PARP14: variants seen among roughly 807,000 people sequenced by gnomAD.
PARP14 encodes the protein poly(ADP-ribose) polymerase family member 14.
PARP14 carries 59 observed loss-of-function variants against 154.2 expected under a neutral mutation model. That is an observed-to-expected ratio of 0.38 (90% CI 0.31 to 0.48). The LOEUF (loss-of-function observed/expected upper bound fraction) is 0.48, where lower values mean the gene tolerates loss of function less well. Among genes scored for constraint, PARP14 ranks in the 20% least tolerant of loss-of-function variants. PARP14 has a pLI of 0.98. For missense variants in PARP14, 1,734 were observed against 2,131.6 expected, an observed-to-expected ratio of 0.81 and a Z score of 3.67; for synonymous variants, 720 against 780.5, an observed-to-expected ratio of 0.92 and a Z score of 1.29.
intron 3 of PARP14, among the ~76,000 whole-genome samples, chr3:122,687,370 G>A (rs374637136): frequency 1.6e-3 from 240 of 152,362 alleles, no homozygotes; most frequent in African/African-American, 5.5e-3. Flanking sequence ...GGAGGGCAAA[G>A]AAGTGCCAGA....
chr3:122,686,809 T>G (rs756621718), intron 2 of PARP14: 1 of 365,298 alleles, frequency 2.7e-6, no homozygotes, highest in Non-Finnish European at 4.9e-6. Context: ...GCTAAGATGT[T>G]TCTCTGATGT....
Position 122,718,344 on chromosome 3 carries a change from T to C in PARP14, c.4208-15T>C. On this transcript the variant is annotated splice_polypyrimidine_tract_variant and intron_variant, in intron 13 of 16. Transcript: ENST00000474629. ...ATGTCACATGTGAAATACCTAATCT[T>C]CCTTTTCTTTTTAGCATTTTTGGGC... The C allele has an allele frequency of 6.2e-7, 1 of 1,610,906 alleles. No homozygotes were observed. The highest frequency in any genetic ancestry group is 8.5e-7 in the Non-Finnish European group (1 of 1,178,686).
chr3:122,725,600 T>C (rs553138103), intron 15 of PARP14, among the ~76,000 whole-genome samples: 1 of 152,334 alleles, frequency 6.6e-6, no homozygotes, highest in East Asian at 1.9e-4. Flanking sequence ...CTATGCTAGC[T>C]TTCTTTTGGT....
At position 122,728,496 on chromosome 3, in the gene PARP14, C is replaced by T; in HGVS notation, c.5305C>T (p.Leu1769=). Reference sequence around the variant, plus strand: ...AAAGAACCCTCAAAATCCTACTGACCTGTATGACACTGTCACAGATAATGT... The same window carrying T: ...AAAGAACCCTCAAAATCCTACTGACTTGTATGACACTGTCACAGATAATGT... ...PSKNPQNPTD[L]YDTVTDNVHH... is the part of the protein sequence containing the mutation. Residue 1769 remains leucine, a synonymous_variant, in exon 17 of 17, where the codon CTG becomes TTG. Transcript: ENST00000474629. 1 of 1,613,468 alleles carries T rather than the reference C, an allele frequency of 6.2e-7. No homozygotes were observed. The highest frequency in any genetic ancestry group is 8.5e-7 in the Non-Finnish European group (1 of 1,179,452).
At chr3:122,728,257 T>A in intron 16 of PARP14, 51 bp from the exon 17 acceptor site, 1 of 1,501,308 alleles carries the variant, frequency 6.7e-7, no homozygotes, top group East Asian at 2.3e-5. Flanking sequence ...GGCCAACATA[T>A]CAAATTTTAC....
intron 6 of PARP14, among the ~76,000 whole-genome samples, chr3:122,703,017 A>AAAAAAAC (rs1270786886): frequency 4.0e-5 from 4 of 99,608 alleles, no homozygotes; most frequent in African/African-American, 6.8e-5. Context: ...AAAACAAAAA[A>AAAAAAAC]AAAAAACAAA....
rs2107642998 is a variant in PARP14 at position 122,699,460 on chromosome 3, C to T, written c.906C>T (p.Ala302=). The T allele has an allele frequency of 6.2e-7, 1 of 1,613,722 alleles. No homozygotes were observed. Among genetic ancestry groups the T allele is most frequent in the East Asian group, 2.2e-5 (1 of 44,878 alleles). The change falls in exon 6 of 17, where the codon GCC becomes GCT. Residue 302 remains alanine, a synonymous_variant. Coordinates refer to ENST00000474629, the MANE Select transcript of PARP14 (RefSeq NM_017554.3). ...CACTTTCTGTGTTCCCATACTATGC[C>T]TCATTGGGCACAGCCTTGTATGGAA... ...KMPLSVFPYY[A]SLGTALYGKE... is the part of the protein sequence containing the mutation.
In PARP14 at chr3:122,685,398, T is replaced by C. The variant is rs1315258680; in HGVS notation, c.321+80T>C. The stretch of plus-strand genomic sequence containing the variant: ...GATGGGAATCACCATGAAGAAAATA[T>C]AGTGGAAAGAAAAGCATGAAGCAAA... On this transcript the variant is annotated intron_variant, in intron 2 of 16. Transcript: ENST00000474629. The C allele has an allele frequency of 5.2e-6, 7 of 1,336,878 alleles. No individual in the cohort carries two copies. The African/African-American group carries it at 5.8e-5, about 11-fold the overall frequency. 82.8% of individuals were successfully genotyped at this position (1,336,878 alleles called of 1,614,324 possible). A position where few individuals can be genotyped will look rare whatever the true frequency, so the allele number is the denominator to read the frequency against.
rs1933406810 is a variant in PARP14 at position 122,730,761 on chromosome 3, G to A, written c.*2164G>A. ...GCACTGAAGAATAATAATCCATTCA[G>A]TAATGTTATAGTTATCCTCAATCTA... On this transcript the variant is annotated 3_prime_UTR_variant, in exon 17 of 17. Coordinates refer to ENST00000474629, the MANE Select transcript of PARP14 (RefSeq NM_017554.3). The A allele has an allele frequency of 6.6e-6, 1 of 152,638 alleles. No homozygotes were observed. The highest frequency in any genetic ancestry group is 2.1e-4 in the South Asian group (1 of 4,834). 9.5% of individuals were successfully genotyped at this position (152,638 alleles called of 1,614,324 possible).
intron 5 of PARP14, 58 bp downstream of exon 5, chr3:122,695,720 A>C: frequency 1.3e-6 from 1 of 754,068 alleles, no homozygotes; most frequent in Non-Finnish European, 2.2e-6. Context: ...AGCAGAGCTT[A>C]ATAGTTATAA....
At chr3:122,722,821 A>G (rs1933192678) in intron 15 of PARP14, among the ~76,000 whole-genome samples, 1 of 151,826 alleles carries the variant, frequency 6.6e-6, no homozygotes, top group Middle Eastern at 3.2e-3. Flanking sequence ...ACATCATGAT[A>G]CTCCTATTTT....
chr3:122,688,412 C>T (rs111547390), intron 3 of PARP14, among the ~76,000 whole-genome samples: 13 of 152,146 alleles, frequency 8.5e-5, no homozygotes, highest in South Asian at 8.3e-4. Flanking sequence ...GTATTCCCAG[C>T]GAAAGCCCCA....
chr3:122,704,662 G>A lies in PARP14; in HGVS notation c.3454G>A (p.Val1152Met). ...NIFAELIISE[V>M]FKFSSKNQLK... ...ATTCGCTGAATTAATCATTTCAGAG[G>A]TGTTCAAATTTAGTAGCAAGAATCA... The change falls in exon 8 of 17, where the codon GTG (valine) becomes ATG (methionine). Residue 1152 changes from valine to methionine, a missense_variant. Coordinates refer to ENST00000474629, the MANE Select transcript of PARP14 (RefSeq NM_017554.3). 1.2e-6 allele frequency: 2 copies of A among 1,606,720 alleles called. No homozygotes were observed. Among genetic ancestry groups the A allele is most frequent in the Non-Finnish European group, 1.7e-6 (2 of 1,175,736 alleles).
chr3:122,705,250 T>G (rs1939117209), intron 8 of PARP14, among the ~76,000 whole-genome samples: 2 of 152,238 alleles, frequency 1.3e-5, no homozygotes. Context: ...AAATCAATTC[T>G]CAAATTTCTG....
chr3:122,720,221 T>C (rs1189534539), intron 14 of PARP14, 34 bp from the exon 15 acceptor site: 2 of 1,602,456 alleles, frequency 1.2e-6, no homozygotes, highest in Non-Finnish European at 1.7e-6. Context: ...GTACCGGGGA[T>C]GTATGAGGGC....
chr3:122,721,196 G>T (rs16833457), intron 15 of PARP14: 20 of 265,958 alleles, frequency 7.5e-5, no homozygotes, highest in Non-Finnish European at 1.3e-4. Flanking sequence ...ACCCTTCTTG[G>T]ATTCAACTAT....
chr3:122,713,041 GC>G (rs1939372834), intron 9 of PARP14, among the ~76,000 whole-genome samples: 1 of 152,184 alleles, frequency 6.6e-6, no homozygotes, highest in South Asian at 2.1e-4. Context: ...ATGGAAAACT[GC>G]CCCACTTAGC....
At chr3:122,717,994 G>A in intron 12 of PARP14, 77 bp from the exon 13 acceptor site, 2 of 1,101,732 alleles carry the variant, frequency 1.8e-6, no homozygotes, top group Admixed American at 2.0e-5. Flanking sequence ...TCTGAGCATT[G>A]GAAACCCTAA....
At chr3:122,703,006 A>C (rs1213074133) in intron 6 of PARP14, among the ~76,000 whole-genome samples, 5 of 112,274 alleles carry the variant, frequency 4.5e-5, no homozygotes, top group South Asian at 2.4e-4. Context: ...AAAAAAAAAA[A>C]AAAACAAAAA....
Sources: gnomAD v4.1 joint callset for allele counts (sites outside exome capture counted in the v4.1 genomes callset) on GRCh38, gnomAD v4.1.1 for gene constraint, MANE v1.5 for transcripts, NCBI Gene and HGNC (gene_info 2026-07-23, HGNC 2026-07-21) for gene names.